Variants in CREB3L2 observed in about 807,000 individuals in gnomAD.
CREB3L2 encodes the protein cAMP responsive element binding protein 3 like 2.
CREB3L2 carries 23 observed loss-of-function variants against 57.2 expected under a neutral mutation model. That is an observed-to-expected ratio of 0.40 (90% CI 0.29 to 0.57). CREB3L2 has a LOEUF of 0.57. Among genes scored for constraint, CREB3L2 ranks in the 20% least tolerant of loss-of-function variants. The probability of loss-of-function intolerance (pLI) is 0.42; values close to 1 mark genes in which losing one functional copy is unlikely to be tolerated. For synonymous variants in CREB3L2, 268 were observed against 265.1 expected (o/e 1.01, Z -0.11); for missense variants, 628 against 634.7 (o/e 0.99, Z 0.11).
intron 1 of CREB3L2, among the ~76,000 whole-genome samples, chr7:137,969,118 T>G (rs907913827): frequency 2.0e-5 from 3 of 152,116 alleles, no homozygotes; most frequent in Admixed American, 1.3e-4. Context: ...ATCCCTGGTC[T>G]CCTAGTTAAG....
intron 8 of CREB3L2, 124 bp from the exon 9 acceptor site, chr7:137,885,626 C>G (rs945724401): frequency 4.2e-6 from 3 of 721,652 alleles, no homozygotes; most frequent in African/African-American, 3.6e-5. Flanking sequence ...CCCCAAGGGA[C>G]AGTTTCCTCT....
chr7:137,941,567 C>T (rs1452813711), intron 1 of CREB3L2, among the ~76,000 whole-genome samples: 1 of 152,220 alleles, frequency 6.6e-6, no homozygotes, highest in Non-Finnish European at 1.5e-5. Context: ...GACAGACTAT[C>T]TTGGAGCAGT....
chr7:137,945,414 C>A (rs542211414), intron 1 of CREB3L2, among the ~76,000 whole-genome samples: 1 of 152,122 alleles, frequency 6.6e-6, no homozygotes, highest in Non-Finnish European at 1.5e-5. Context: ...AACTGAATTG[C>A]GTGAGACCTG....
intron 1 of CREB3L2, among the ~76,000 whole-genome samples, chr7:137,940,197 T>C (rs1019663130): frequency 2.0e-5 from 3 of 152,174 alleles, no homozygotes; most frequent in African/African-American, 7.2e-5. Context: ...TCCACTCTCT[T>C]AAACAGAAGG....
intron 1 of CREB3L2, among the ~76,000 whole-genome samples, chr7:137,948,756 TTCCTA>T (rs1481861888): frequency 6.6e-6 from 1 of 152,204 alleles, no homozygotes; most frequent in Admixed American, 6.5e-5. Context: ...GAATTGACCA[TTCCTA>T]TCCAGTTATC....
chr7:137,904,394 A>G (rs1447314169), intron 6 of CREB3L2, among the ~76,000 whole-genome samples: 1 of 152,142 alleles, frequency 6.6e-6, no homozygotes, highest in African/African-American at 2.4e-5. Context: ...TGGCAGGCGC[A>G]GTGGCTCTAG....
chr7:137,973,017 T>G (rs1465475123), intron 1 of CREB3L2, among the ~76,000 whole-genome samples: 4 of 151,564 alleles, frequency 2.6e-5, no homozygotes, highest in African/African-American at 9.7e-5. Context: ...TGAAAATATT[T>G]ACACATGAGA....
chr7:137,996,714 G>A lies in CREB3L2; in HGVS notation c.102+4890C>T, dbSNP rs746746260. 3.9e-5 allele frequency among the ~76,000 whole-genome samples: 6 copies of A among 152,162 alleles called. No homozygotes were observed. The East Asian group carries it at 7.7e-4, about 20-fold the overall frequency. ...TTTCCATCTGGACACCAGGCAGGTC[G>A]AATATTCCCCCAACTCCCTACCTAC... On this transcript the variant is annotated intron_variant, in intron 1 of 11. Coordinates refer to ENST00000330387, the MANE Select transcript of CREB3L2 (RefSeq NM_194071.4).
intron 2 of CREB3L2, among the ~76,000 whole-genome samples, chr7:137,919,316 C>T (rs1002184452): frequency 6.6e-5 from 10 of 152,104 alleles, no homozygotes; most frequent in Middle Eastern, 3.4e-3. Flanking sequence ...AGATTACAGG[C>T]GTGTGCCACC....
chr7:137,936,444 TGTGTGTGC>T (rs1267612872), intron 1 of CREB3L2, among the ~76,000 whole-genome samples: 2 of 152,188 alleles, frequency 1.3e-5, no homozygotes, highest in Non-Finnish European at 2.9e-5. Flanking sequence ...TAAACCTCTG[TGTGTGTGC>T]GTGTGTGCAT....
intron 1 of CREB3L2, among the ~76,000 whole-genome samples, chr7:137,958,917 G>C (rs138655686): frequency 1.3e-5 from 2 of 152,348 alleles, no homozygotes; most frequent in East Asian, 3.9e-4. Flanking sequence ...AGATCTGTCT[G>C]CAACACAAGG....
chr7:137,886,390 AAG>A (rs1439937009), intron 8 of CREB3L2, among the ~76,000 whole-genome samples: 6 of 152,076 alleles, frequency 3.9e-5, no homozygotes, highest in Non-Finnish European at 7.4e-5. Flanking sequence ...GGCAGGTTAG[AAG>A]AGAGAGAGAA....
At chr7:137,958,970 G>A (rs141678836) in intron 1 of CREB3L2, among the ~76,000 whole-genome samples, 81 of 152,274 alleles carry the variant, frequency 5.3e-4, no homozygotes, top group African/African-American at 1.8e-3. Context: ...TCAAAATGCC[G>A]AGTCATTTTT....
intron 1 of CREB3L2, among the ~76,000 whole-genome samples, chr7:137,947,568 C>T (rs1372572601): frequency 3.9e-5 from 6 of 152,150 alleles, no homozygotes; most frequent in Non-Finnish European, 8.8e-5. Context: ...CCTTGGCTCA[C>T]TCCTTTAGAA....
At chr7:137,986,123 G>C (rs1801788489) in intron 1 of CREB3L2, among the ~76,000 whole-genome samples, 1 of 152,238 alleles carries the variant, frequency 6.6e-6, no homozygotes, top group Non-Finnish European at 1.5e-5. Context: ...AACAGTCTCA[G>C]AAAGGTGCTC....
intron 8 of CREB3L2, among the ~76,000 whole-genome samples, chr7:137,887,864 C>A (rs144381613): frequency 8.3e-4 from 127 of 152,138 alleles, no homozygotes; most frequent in African/African-American, 2.8e-3. Context: ...TGTACTTAAT[C>A]GTACATTTTT....
chr7:137,901,357 T>C lies in CREB3L2; in HGVS notation c.1040A>G (p.Asn347Ser), dbSNP rs749093644. 1 of 1,574,046 alleles carries C rather than the reference T, an allele frequency of 6.4e-7. No homozygotes were observed. The highest frequency in any genetic ancestry group is 1.7e-5 in the Admixed American group (1 of 59,832). The change falls in exon 8 of 12, where the codon AAT becomes AGT. Residue 347 changes from asparagine to serine, a missense_variant. This residue lies in a region of CREB3L2 where 272 missense variants were observed against 242.7 expected (regional missense o/e 1.12). Coordinates refer to ENST00000330387, the MANE Select transcript of CREB3L2 (RefSeq NM_194071.4). Reference protein sequence around the residue: ...RKKVEVLENTNRTLLQQLQKL... With the variant: ...RKKVEVLENTSRTLLQQLQKL... ...CTCTCAGTCCAGTGACACTTACCTA[T>C]TAGTGTTCTCTAGAACCTCTACCTT...
chr7:137,928,032 T>C (rs925627766), intron 2 of CREB3L2, 118 bp downstream of exon 2: 9 of 802,286 alleles, frequency 1.1e-5, no homozygotes, highest in African/African-American at 7.0e-5. Context: ...GTACACACTG[T>C]AGGTATCTCA....
At chr7:137,987,685 T>C (rs1801815398) in intron 1 of CREB3L2, among the ~76,000 whole-genome samples, 1 of 152,222 alleles carries the variant, frequency 6.6e-6, no homozygotes, top group Non-Finnish European at 1.5e-5. Flanking sequence ...TGCTCTAAAA[T>C]GCTTTCTGTT....
Sources: gnomAD v4.1 joint callset for allele counts (sites outside exome capture counted in the v4.1 genomes callset) on GRCh38, gnomAD v4.1.1 for gene constraint, gnomAD v4.1.1 regional missense constraint, MANE v1.5 for transcripts, NCBI Gene and HGNC (gene_info 2026-07-23, HGNC 2026-07-21) for gene names.